Variants in ADAMTSL3 observed in about 807,000 individuals in gnomAD.
The protein encoded by ADAMTSL3 is ADAMTS like 3, also known as ADAMTS-like protein 3.
Under a neutral mutation model 201.7 loss-of-function variants are expected in ADAMTSL3, and 128 were observed. The ratio of observed to expected loss-of-function variants is 0.63; its 90% CI spans 0.55 to 0.73. ADAMTSL3 has a LOEUF of 0.73. ADAMTSL3 is among the 30% of genes least tolerant of loss of function. The pLI is 0.00. For synonymous variants in ADAMTSL3, 738 were observed against 748.4 expected (o/e 0.99, Z 0.23); for missense variants, 1,990 against 2,119.6 (o/e 0.94, Z 1.20).
intron 15 of ADAMTSL3, 138 bp from the exon 16 acceptor site, chr15:83,912,954 A>G: frequency 1.1e-6 from 1 of 873,184 alleles, no homozygotes; most frequent in Non-Finnish European, 1.8e-6. Context: ...CAACAAAAGT[A>G]TAAAATTCCA....
intron 18 of ADAMTSL3, 54 bp from the exon 19 acceptor site, chr15:83,942,849 G>A: frequency 6.2e-7 from 1 of 1,606,072 alleles, no homozygotes; most frequent in Non-Finnish European, 8.5e-7. Flanking sequence ...GCCCTGCACT[G>A]CACTAACATA....
intron 12 of ADAMTSL3, among the ~76,000 whole-genome samples, chr15:83,892,454 C>T (rs1376582208): frequency 6.6e-6 from 1 of 151,866 alleles, no homozygotes; most frequent in African/African-American, 2.4e-5. Flanking sequence ...TGCTTGAACC[C>T]GGGAGGCAGA....
At position 83,943,078 on chromosome 15, in the gene ADAMTSL3, C is replaced by G. The variant is rs771490066; in HGVS notation, c.2486C>G (p.Ser829Trp). The G allele has an allele frequency of 1.1e-5, 17 of 1,608,348 alleles. No homozygotes were observed. The highest frequency in any genetic ancestry group is 1.4e-5 in the Non-Finnish European group (17 of 1,177,942). ...CCACATTTAGCTGTGGGAGACTGGTCGAAGGTAAGGGCCAGGCTCAACTTT... is the reference window on the plus strand; with the variant it reads ...CCACATTTAGCTGTGGGAGACTGGTGGAAGGTAAGGGCCAGGCTCAACTTT... ...CPPHLAVGDW[S>W]KCSVSCGVGI... The change falls in exon 19 of 30, where the codon TCG becomes TGG. Residue 829 changes from serine to tryptophan, a missense_variant. Coordinates refer to ENST00000286744, the MANE Select transcript of ADAMTSL3 (RefSeq NM_207517.3).
intron 2 of ADAMTSL3, among the ~76,000 whole-genome samples, chr15:83,682,661 T>G (rs780208150): frequency 7.9e-5 from 12 of 152,266 alleles, no homozygotes; most frequent in Non-Finnish European, 1.8e-4. Flanking sequence ...CAGTGTTTGT[T>G]TATTGTACAA....
In ADAMTSL3 at chr15:83,899,648, A is replaced by T. The variant is rs745766157; in HGVS notation, c.1617A>T (p.Glu539Asp). Residue 539 changes from glutamate to aspartate, a missense_variant and splice_region_variant, in exon 15 of 30, where the codon GAA becomes GAT. By Grantham distance (45) the Glu-to-Asp change is conservative. Transcript: ENST00000286744. ...VIPIPCYKPKEKSPVEAKLPW... is the reference protein window; with the variant it reads ...VIPIPCYKPKDKSPVEAKLPW... ...TTGTTTATGTTCTCTTTTTCTTAGAAAAAAGTCCAGTGGAAGCAAAATTGC... is the reference window on the plus strand; with the variant it reads ...TTGTTTATGTTCTCTTTTTCTTAGATAAAAGTCCAGTGGAAGCAAAATTGC... 1 of 1,610,724 alleles carries T rather than the reference A, an allele frequency of 6.2e-7. No homozygotes were observed. The highest frequency in any genetic ancestry group is 1.1e-5 in the South Asian group (1 of 90,658).
At chr15:83,816,961 G>A (rs1228754868) in intron 5 of ADAMTSL3, among the ~76,000 whole-genome samples, 1 of 152,132 alleles carries the variant, frequency 6.6e-6, no homozygotes, top group African/African-American at 2.4e-5. Context: ...ATGCCACTGC[G>A]CTCCATCCTG....
In ADAMTSL3 at chr15:83,942,759, C is replaced by T. The variant is rs769018763; in HGVS notation, c.2281C>T (p.Pro761Ser). 2.5e-6 allele frequency: 4 copies of T among 1,613,816 alleles called. No homozygotes were observed. The highest frequency in any genetic ancestry group is 4.5e-5 in the East Asian group (2 of 44,780). The change falls in exon 18 of 30, where the codon CCT becomes TCT. Residue 761 changes from proline to serine, a missense_variant. By Grantham distance (74) the Pro-to-Ser change is moderately conservative. Transcript: ENST00000286744. ...AGCATGCAATCAGTTTGACTGCCCTCCTGGCTGGCACATTGAAGAATGGCA... is the reference window on the plus strand; with the variant it reads ...AGCATGCAATCAGTTTGACTGCCCTTCTGGCTGGCACATTGAAGAATGGCA... ...LQACNQFDCP[P>S]GWHIEEWQQC... is the part of the protein sequence containing the mutation.
intron 15 of ADAMTSL3, among the ~76,000 whole-genome samples, chr15:83,912,076 C>G (rs2065944834): frequency 6.6e-6 from 1 of 152,182 alleles, no homozygotes; most frequent in Non-Finnish European, 1.5e-5. Context: ...TCCTCTATCA[C>G]TTATTAATAT....
intron 24 of ADAMTSL3, 136 bp from the exon 25 acceptor site, chr15:84,016,247 A>T: frequency 1.5e-6 from 1 of 658,606 alleles, no homozygotes; most frequent in Non-Finnish European, 2.6e-6. Context: ...ACCTGTGGTC[A>T]TGAGCTTGAG....
At chr15:84,015,551 T>C (rs975315743) in intron 24 of ADAMTSL3, among the ~76,000 whole-genome samples, 2 of 152,190 alleles carry the variant, frequency 1.3e-5, no homozygotes, top group Non-Finnish European at 2.9e-5. Context: ...AGCCTTGGGC[T>C]CATAAAGAGT....
intron 2 of ADAMTSL3, among the ~76,000 whole-genome samples, chr15:83,688,749 T>TACACACACACACACACACAC (rs1157433275): frequency 6.1e-5 from 3 of 48,938 alleles, no homozygotes; most frequent in African/African-American, 2.1e-4. Context: ...TACACATGCA[T>TACACACACACACACACACAC]ATATATACAC....
At chr15:83,918,388 C>T (rs893399579) in intron 16 of ADAMTSL3, among the ~76,000 whole-genome samples, 2 of 152,172 alleles carry the variant, frequency 1.3e-5, no homozygotes, top group Non-Finnish European at 2.9e-5. Flanking sequence ...CATACTCACA[C>T]ATATATAGAA....
intron 3 of ADAMTSL3, among the ~76,000 whole-genome samples, chr15:83,760,087 T>A (rs2062784317): frequency 6.6e-6 from 1 of 152,172 alleles, no homozygotes; most frequent in African/African-American, 2.4e-5. Flanking sequence ...TTCTACTTTC[T>A]TTGGGTTGTA....
At chr15:83,804,504 T>A (rs1263774730) in intron 4 of ADAMTSL3, 146 bp from the exon 5 acceptor site, 8 of 597,868 alleles carry the variant, frequency 1.3e-5, no homozygotes, top group Non-Finnish European at 1.7e-5. Flanking sequence ...TTTCTTAGAA[T>A]TAAACTTTGA....
chr15:83,741,407 T>C (rs975789125), intron 3 of ADAMTSL3, among the ~76,000 whole-genome samples: 1 of 151,976 alleles, frequency 6.6e-6, no homozygotes, highest in African/African-American at 2.4e-5. Context: ...ACAGCTGTCA[T>C]GAAGGCACGT....
At chr15:83,859,128 A>AT (rs1172807516) in intron 8 of ADAMTSL3, among the ~76,000 whole-genome samples, 2 of 152,216 alleles carry the variant, frequency 1.3e-5, no homozygotes, top group East Asian at 1.9e-4. Flanking sequence ...ACATGTAAGG[A>AT]TTTTTAAAGA....
intron 2 of ADAMTSL3, among the ~76,000 whole-genome samples, chr15:83,659,996 A>T (rs1240555376): frequency 6.6e-6 from 1 of 152,164 alleles, no homozygotes; most frequent in East Asian, 1.9e-4. Flanking sequence ...GAATAAACTT[A>T]TGTTGTTTTA....
intron 4 of ADAMTSL3, among the ~76,000 whole-genome samples, chr15:83,781,279 A>G (rs1379402662): frequency 2.0e-5 from 3 of 152,212 alleles, no homozygotes; most frequent in Non-Finnish European, 4.4e-5. Context: ...GACTAATGGA[A>G]CAAAATAGAA....
chr15:83,903,122 T>C (rs2065758546), intron 15 of ADAMTSL3, among the ~76,000 whole-genome samples: 1 of 152,104 alleles, frequency 6.6e-6, no homozygotes, highest in Non-Finnish European at 1.5e-5. Context: ...TCCTCAATAC[T>C]TCTATCAGAA....
Sources: gnomAD v4.1 joint callset for allele counts (sites outside exome capture counted in the v4.1 genomes callset) on GRCh38, gnomAD v4.1.1 for gene constraint, MANE v1.5 for transcripts, NCBI Gene and HGNC (gene_info 2026-07-23, HGNC 2026-07-21) for gene names.